Variants in ZNF883 observed in about 807,000 individuals in gnomAD.
The protein encoded by ZNF883 is zinc finger protein 883.
chr9:113,006,936 C>T (rs1321769097), intron 2 of ZNF883, among the ~76,000 whole-genome samples: 1 of 152,198 alleles, frequency 6.6e-6, no homozygotes, highest in Non-Finnish European at 1.5e-5. Context: ...TGGCTCACGC[C>T]TGTAATCCCA....
chr9:113,005,138 A>G (rs1828462119), intron 2 of ZNF883, among the ~76,000 whole-genome samples: 1 of 152,116 alleles, frequency 6.6e-6, no homozygotes, highest in Non-Finnish European at 1.5e-5. Context: ...ATAATCTTGC[A>G]ATGGGGAAAT....
chr9:113,008,391 G>A (rs1452965677), intron 2 of ZNF883, among the ~76,000 whole-genome samples: 1 of 151,994 alleles, frequency 6.6e-6, no homozygotes, highest in Non-Finnish European at 1.5e-5. Context: ...GGAGGGAATG[G>A]TGCATAGAGT....
At chr9:112,996,981 TCTC>T (rs1828364468), downstream of ZNF883, 5 of 738,838 alleles carry the variant, frequency 6.8e-6, no homozygotes, top group South Asian at 2.6e-5. Context: ...TAGTCCTTCT[TCTC>T]AGTACAAATA....
chr9:112,992,242 G>A (rs1828310194), downstream of ZNF883, among the ~76,000 whole-genome samples: 3 of 152,156 alleles, frequency 2.0e-5, no homozygotes, highest in South Asian at 6.2e-4. Context: ...TCCATATTTA[G>A]TGCTTCCTTC....
Position 113,006,097 on chromosome 9 carries a change from T to TTAAA in ZNF883, n.166-4025_166-4024insTTTA, listed in dbSNP as rs369689487. On this transcript the variant is annotated intron_variant and non_coding_transcript_variant, in intron 2 of 4. Transcript: ENST00000638622. ...CTCTAAAAGTTCAAGCATGAAAAAT[T>TTAAA]AAAAAAAAAAAAGAAACCAGCCTAA... is the stretch of plus-strand genomic sequence containing the variant. Among the ~76,000 whole-genome samples the TTAAA allele has an allele frequency of 3.5e-4, 50 of 144,398 alleles. No individual in the cohort carries two copies. In the East Asian group the frequency reaches 7.6e-3, roughly 22 times the overall value. The allele number at this position is 144,398 out of a possible 152,430, so 94.7% of individuals were successfully genotyped here.
At chr9:112,999,731 G>A (rs1828403740), upstream of ZNF883, 1 of 152,334 alleles carries the variant, frequency 6.6e-6, no homozygotes. Flanking sequence ...CACAGGGCAA[G>A]GTGGGCAGAA....
At chr9:113,001,877 ATC>A (rs1828429359), upstream of ZNF883, 1 of 152,198 alleles carries the variant, frequency 6.6e-6, no homozygotes, top group Non-Finnish European at 1.5e-5. Context: ...AAGGACTATC[ATC>A]TGTTTAGTAC....
upstream of ZNF883, chr9:112,998,990 T>C (rs1018984146): frequency 6.6e-6 from 1 of 152,224 alleles, no homozygotes; most frequent in African/African-American, 2.4e-5. Context: ...GTTCTTCTAA[T>C]GTGAAGTATT....
chr9:112,992,990 C>G (rs1446202330), downstream of ZNF883, among the ~76,000 whole-genome samples: 1 of 152,144 alleles, frequency 6.6e-6, no homozygotes, highest in African/African-American at 2.4e-5. Context: ...TGATTCTTAG[C>G]TTCTTTCCAT....
chr9:113,004,269 T>C (rs1408313934), intron 2 of ZNF883, among the ~76,000 whole-genome samples: 1 of 152,218 alleles, frequency 6.6e-6, no homozygotes, highest in Non-Finnish European at 1.5e-5. Context: ...GATTTTGGAA[T>C]TCTAGCCTCA....
chr9:112,996,197 T>C (rs1828352431), downstream of ZNF883, among the ~76,000 whole-genome samples: 1 of 152,176 alleles, frequency 6.6e-6, no homozygotes, highest in South Asian at 2.1e-4. Context: ...TGCATTGCAC[T>C]GAAAAAAATT....
At chr9:112,997,601 T>C (rs1338320273) in exon 1 of ZNF883, 4 of 1,613,938 alleles carry the variant, frequency 2.5e-6, no homozygotes, top group Non-Finnish European at 1.7e-6. Flanking sequence ...GGCTGGGGTA[T>C]GGCTGAAAGC....
intron 2 of ZNF883, among the ~76,000 whole-genome samples, chr9:113,004,119 G>A (rs1200354573): frequency 2.0e-5 from 3 of 152,220 alleles, no homozygotes; most frequent in African/African-American, 7.2e-5. Context: ...AAAGTCATGT[G>A]ATGAAAGAGC....
At chr9:113,007,050 C>T (rs770538051) in intron 2 of ZNF883, among the ~76,000 whole-genome samples, 38 of 152,078 alleles carry the variant, frequency 2.5e-4, no homozygotes, top group Admixed American at 5.2e-4. Flanking sequence ...AAAAATTAGC[C>T]GGGCGTGGTG....
chr9:113,008,441 G>A (rs1050506278), intron 2 of ZNF883, among the ~76,000 whole-genome samples: 3 of 151,906 alleles, frequency 2.0e-5, no homozygotes, highest in African/African-American at 2.4e-5. Context: ...GAAATTCTAC[G>A]GATTTATGAA....
At chr9:112,996,769 C>A (rs1331114603), downstream of ZNF883, among the ~76,000 whole-genome samples, 1 of 117,620 alleles carries the variant, frequency 8.5e-6, no homozygotes, top group African/African-American at 3.3e-5. Context: ...CCAGCCTGGG[C>A]GACAGAGCGA....
downstream of ZNF883, among the ~76,000 whole-genome samples, chr9:112,996,950 A>G (rs2118607141): frequency 6.6e-6 from 1 of 152,104 alleles, no homozygotes; most frequent in Admixed American, 6.5e-5. Context: ...TTTCAATAAC[A>G]CCTTTTTTAG....
intron 1 of ZNF883, among the ~76,000 whole-genome samples, chr9:112,988,218 T>C (rs891717891): frequency 6.6e-6 from 1 of 152,154 alleles, no homozygotes; most frequent in Non-Finnish European, 1.5e-5. Flanking sequence ...ACATGTGCCA[T>C]GGTAGTTTGC....
intron 1 of ZNF883, among the ~76,000 whole-genome samples, chr9:112,990,572 TTTC>T (rs1203899812): frequency 6.6e-6 from 1 of 152,098 alleles, no homozygotes; most frequent in Non-Finnish European, 1.5e-5. Flanking sequence ...GCCCTGAAGT[TTTC>T]TTTTTTTGTT....
Sources: gnomAD v4.1 joint callset for allele counts (sites outside exome capture counted in the v4.1 genomes callset) on GRCh38, gnomAD v4.1.1 for gene constraint, MANE v1.5 for transcripts, NCBI Gene and HGNC (gene_info 2026-07-23, HGNC 2026-07-21) for gene names.